Variants in ADAMTS2 observed in about 807,000 individuals in gnomAD.
ADAMTS2 encodes the protein ADAM metallopeptidase with thrombospondin type 1 motif 2.
Under a neutral mutation model 123.0 loss-of-function variants are expected in ADAMTS2, and 50 were observed. The observed-to-expected ratio is 0.41, with a 90% CI of 0.32 to 0.51. The LOEUF is 0.51. ADAMTS2 is among the 20% of genes least tolerant of loss of function. The pLI is 0.35. For synonymous variants in ADAMTS2, 678 were observed against 695.4 expected, an observed-to-expected ratio of 0.98 and a Z score of 0.39; for missense variants, 1,494 against 1,705.2, an observed-to-expected ratio of 0.88 and a Z score of 2.18.
Position 179,155,937 on chromosome 5 carries a change from TAA to T in ADAMTS2, c.1133-1020_1133-1019del, listed in dbSNP as rs916777781. On this transcript the variant is annotated intron_variant, in intron 6 of 21. Transcript: ENST00000251582. This position sits in a 1 kb window ranked among gnomAD's most constrained non-coding sequence, Gnocchi z 5.1. ...CGGGTGAGCTGGCGGTGTACGCGCCTAAAAATAGAAGCATCGTGATCTAACCC... is the reference window on the plus strand; with the variant it reads ...CGGGTGAGCTGGCGGTGTACGCGCCTAAATAGAAGCATCGTGATCTAACCC... Among the ~76,000 whole-genome samples the T allele has an allele frequency of 7.2e-5, 11 of 152,120 alleles. No individual in the cohort carries two copies. Among genetic ancestry groups the T allele is most frequent in the African/African-American group, 2.7e-4 (11 of 41,432 alleles).
chr5:179,218,476 G>T (rs1471349059), intron 3 of ADAMTS2, among the ~76,000 whole-genome samples: 1 of 152,214 alleles, frequency 6.6e-6, no homozygotes, highest in Admixed American at 6.5e-5. Context: ...GCCCCACGGG[G>T]GCCATCAGCA....
intron 3 of ADAMTS2, among the ~76,000 whole-genome samples, chr5:179,250,423 G>C (rs1765891904): frequency 6.6e-6 from 1 of 152,200 alleles, no homozygotes; most frequent in Admixed American, 6.5e-5. Flanking sequence ...GTTTCTTTTG[G>C]GAGCAATGAA....
In ADAMTS2 at chr5:179,186,421, T is replaced by C. The variant is rs115693200; in HGVS notation, c.892-5266A>G. Reference sequence around the variant, plus strand: ...GGGGGCAGGCAGGGTTTGTGGGGCATGTGAGAGGCAGGGGTGCTCCACAGT... The same window carrying C: ...GGGGGCAGGCAGGGTTTGTGGGGCACGTGAGAGGCAGGGGTGCTCCACAGT... On this transcript the variant is annotated intron_variant, in intron 4 of 21. Transcript: ENST00000251582. Among the ~76,000 whole-genome samples, 274 of 152,288 alleles carry C rather than the reference T, an allele frequency of 1.8e-3. 1 individual carries two copies. Among genetic ancestry groups the C allele is most frequent in the African/African-American group, 6.3e-3 (261 of 41,564 alleles).
chr5:179,302,602 G>A (rs557172941), intron 2 of ADAMTS2, among the ~76,000 whole-genome samples: 16 of 151,980 alleles, frequency 1.1e-4, no homozygotes, highest in Admixed American at 3.9e-4. Flanking sequence ...TCACATTTGC[G>A]ACCTGTGGCT....
intron 3 of ADAMTS2, among the ~76,000 whole-genome samples, chr5:179,213,035 T>C (rs78656245): frequency 0.013 from 1,936 of 148,404 alleles, 45 homozygotes; most frequent in African/African-American, 0.046. Context: ...AGGAGCATGT[T>C]CTGCCCCCAT....
intron 2 of ADAMTS2, among the ~76,000 whole-genome samples, chr5:179,309,364 T>C (rs1756759328): frequency 6.6e-6 from 1 of 152,192 alleles, no homozygotes; most frequent in African/African-American, 2.4e-5. Flanking sequence ...CCCAGTCAGA[T>C]GTCTGCAGAC....
chr5:179,166,221 C>T lies in ADAMTS2; in HGVS notation c.976-7342G>A, dbSNP rs543924618. Among the ~76,000 whole-genome samples the T allele has an allele frequency of 6.8e-4, 104 of 152,260 alleles. No homozygotes were observed. The South Asian group carries it at 0.012, about 17-fold the overall frequency. On this transcript the variant is annotated intron_variant, in intron 5 of 21. Transcript: ENST00000251582. ...TGCAGGAGGCAGACACTCGTCCAGG[C>T]CCCTGGGGCCCTCCCACAGCAGCAC...
In ADAMTS2 at chr5:179,158,596, G is replaced by A; in HGVS notation, c.1132+127C>T. On this transcript the variant is annotated intron_variant, in intron 6 of 21. Coordinates refer to ENST00000251582, the MANE Select transcript of ADAMTS2 (RefSeq NM_014244.5). The surrounding 1 kb of genome is among the most constrained non-coding windows in gnomAD (Gnocchi z 5.0). ...CTGCCCCACACCCTCACCCAGCTAAGGTGGCCACGGCCTTCCCTGCCCTGA... is the reference window on the plus strand; with the variant it reads ...CTGCCCCACACCCTCACCCAGCTAAAGTGGCCACGGCCTTCCCTGCCCTGA... 1 of 1,273,830 alleles carries A rather than the reference G, an allele frequency of 7.9e-7. No homozygotes were observed. The highest frequency in any genetic ancestry group is 1.2e-5 in the South Asian group (1 of 82,204). 78.9% of individuals were successfully genotyped at this position (1,273,830 alleles called of 1,614,324 possible). A position where few individuals can be genotyped will look rare whatever the true frequency, so the allele number is the denominator to read the frequency against.
At chr5:179,296,134 C>A (rs982918587) in intron 2 of ADAMTS2, among the ~76,000 whole-genome samples, 1 of 151,020 alleles carries the variant, frequency 6.6e-6, no homozygotes, top group Non-Finnish European at 1.5e-5. Flanking sequence ...GAGGCCTGAG[C>A]CGTGGGGACA....
intron 17 of ADAMTS2, among the ~76,000 whole-genome samples, chr5:179,127,614 G>A (rs1762881862): frequency 6.6e-6 from 1 of 152,102 alleles, no homozygotes; most frequent in Non-Finnish European, 1.5e-5. Context: ...CACTGCCAGA[G>A]TCTTGCCTAT....
chr5:179,139,028 C>A (rs1198455741), intron 11 of ADAMTS2, among the ~76,000 whole-genome samples: 1 of 152,200 alleles, frequency 6.6e-6, no homozygotes, highest in Non-Finnish European at 1.5e-5. Flanking sequence ...TATTTTCAGG[C>A]AAATCAAAAT....
At position 179,332,222 on chromosome 5, in the gene ADAMTS2, G is replaced by A. The variant is rs1386495953; in HGVS notation, c.534+11545C>T. 6.6e-6 allele frequency among the ~76,000 whole-genome samples: 1 copy of A among 152,206 alleles called. No homozygotes were observed. Among genetic ancestry groups the A allele is most frequent in the Non-Finnish European group, 1.5e-5 (1 of 68,030 alleles). On this transcript the variant is annotated intron_variant, in intron 2 of 21. Coordinates refer to ENST00000251582, the MANE Select transcript of ADAMTS2 (RefSeq NM_014244.5). The surrounding 1 kb of genome is among the most constrained non-coding windows in gnomAD (Gnocchi z 4.2). ...CAGGAACAGCTGCATGGGAGGGATG[G>A]GCAGGGCAAGGTAACGGGAAGGGCT...
At position 179,113,943 on chromosome 5, in the gene ADAMTS2, T is replaced by C. The variant is rs756227371; in HGVS notation, c.3560A>G (p.Tyr1187Cys). 4.3e-6 allele frequency: 7 copies of C among 1,614,070 alleles called. No homozygotes were observed. The highest frequency in any genetic ancestry group is 1.1e-5 in the South Asian group (1 of 91,078). The change falls in exon 22 of 22, where the codon TAT becomes TGT. Residue 1187 changes from tyrosine (Y) to cysteine (C), a missense_variant. Around this residue, in one of 6 missense-constraint regions of ADAMTS2, gnomAD observed 953 missense variants for 1,124.7 expected, o/e 0.85. Coordinates refer to ENST00000251582, the MANE Select transcript of ADAMTS2 (RefSeq NM_014244.5). ...PNLIPRRPSP[Y>C]EKTRNQRIQE... is the part of the protein sequence containing the mutation. ...GATTCTTTGGTTTCTGGTCTTTTCA[T>C]AGGGGCTCGGTCGTCGAGGGATTAG...
chr5:179,248,917 C>T (rs1301719440), intron 3 of ADAMTS2, among the ~76,000 whole-genome samples: 1 of 152,118 alleles, frequency 6.6e-6, no homozygotes, highest in African/African-American at 2.4e-5. Context: ...GAGCACCCCA[C>T]TCAACAGCGG....
chr5:179,344,279 G>A (rs982128228), intron 1 of ADAMTS2, 118 bp from the exon 2 acceptor site: 51 of 1,352,184 alleles, frequency 3.8e-5, no homozygotes, highest in Non-Finnish European at 4.9e-5. Flanking sequence ...GGGGCATTCC[G>A]CCAGGCGACC....
At chr5:179,341,705 A>C in intron 2 of ADAMTS2, among the ~76,000 whole-genome samples, 1 of 127,866 alleles carries the variant, frequency 7.8e-6, no homozygotes, top group African/African-American at 3.0e-5. Flanking sequence ...ATAGAGTGAG[A>C]CTCCGTCTCA....
At chr5:179,315,547 T>C (rs1271821544) in intron 2 of ADAMTS2, among the ~76,000 whole-genome samples, 1 of 152,204 alleles carries the variant, frequency 6.6e-6, no homozygotes, top group African/African-American at 2.4e-5. Context: ...TGAGCCCTCC[T>C]AGCACCACCA....
In ADAMTS2 at chr5:179,316,065, C is replaced by G. The variant is rs957579208; in HGVS notation, c.534+27702G>C. On this transcript the variant is annotated intron_variant, in intron 2 of 21. Coordinates refer to ENST00000251582, the MANE Select transcript of ADAMTS2 (RefSeq NM_014244.5). ...CCACGATAATGAAACCTAAGAACATCAAAGACAAAGAGAAAGTTCAAAAGC... is the reference window on the plus strand; with the variant it reads ...CCACGATAATGAAACCTAAGAACATGAAAGACAAAGAGAAAGTTCAAAAGC... 1.3e-5 allele frequency among the ~76,000 whole-genome samples: 2 copies of G among 152,162 alleles called. 1 individual carries two copies. Among genetic ancestry groups the G allele is most frequent in the Admixed American group, 1.3e-4 (2 of 15,284 alleles).
At chr5:179,235,039 G>C (rs1765492412) in intron 3 of ADAMTS2, among the ~76,000 whole-genome samples, 1 of 152,176 alleles carries the variant, frequency 6.6e-6, no homozygotes, top group South Asian at 2.1e-4. Flanking sequence ...TGCCCAGAAT[G>C]CCTGCCCTGC....
Sources: allele counts gnomAD v4.1 joint callset (sites outside exome capture counted in the v4.1 genomes callset), GRCh38; gene constraint gnomAD v4.1.1; regional missense constraint gnomAD v4.1.1; non-coding constraint Gnocchi (gnomAD v3.1); transcripts MANE v1.5; gene names NCBI Gene and HGNC (gene_info 2026-07-23, HGNC 2026-07-21).